The following VWC2L variants were observed in gnomAD, a reference collection of about 807,000 sequenced individuals.
VWC2L encodes von Willebrand factor C domain-containing protein 2-like.
In VWC2L, 10 loss-of-function variants were observed where a neutral mutation model predicts 21.6. The observed-to-expected ratio is 0.46, with a 90% confidence interval of 0.29 to 0.78. The LOEUF is 0.78. VWC2L is among the 30% of genes least tolerant of loss of function. VWC2L has a pLI of 0.10. For missense variants in VWC2L, 209 were observed against 277.1 expected (o/e 0.75, Z 1.74); for synonymous variants, 96 against 94.3 (o/e 1.02, Z -0.10).
intron 3 of VWC2L, among the ~76,000 whole-genome samples, chr2:214,442,387 C>G (rs934499118): frequency 6.6e-6 from 1 of 152,054 alleles, no homozygotes; most frequent in African/African-American, 2.4e-5. Flanking sequence ...TAGATGTGAA[C>G]AGGTAGTTCA....
intron 3 of VWC2L, among the ~76,000 whole-genome samples, chr2:214,512,317 A>C (rs1317731816): frequency 1.3e-5 from 2 of 152,162 alleles, no homozygotes; most frequent in African/African-American, 4.8e-5. Flanking sequence ...ACTATACCAA[A>C]TACTGCATGT....
At chr2:214,533,261 G>C (rs947932643) in intron 3 of VWC2L, among the ~76,000 whole-genome samples, 1 of 151,996 alleles carries the variant, frequency 6.6e-6, no homozygotes, top group Non-Finnish European at 1.5e-5. Flanking sequence ...ATATTTATAT[G>C]TATGCAGATG....
intron 2 of VWC2L, among the ~76,000 whole-genome samples, chr2:214,421,840 A>G (rs1294292249): frequency 6.8e-6 from 1 of 147,494 alleles, no homozygotes; most frequent in Admixed American, 6.7e-5. Context: ...AGAATTGGTT[A>G]ATCGGGTGAT....
At chr2:214,509,463 C>T (rs554033134) in intron 3 of VWC2L, among the ~76,000 whole-genome samples, 19 of 55,084 alleles carry the variant, frequency 3.4e-4, no homozygotes, top group Non-Finnish European at 9.3e-4. Flanking sequence ...AACTTTGCTA[C>T]TTAAAAAAAA....
intron 3 of VWC2L, among the ~76,000 whole-genome samples, chr2:214,539,292 A>C (rs1216606857): frequency 2.6e-5 from 4 of 152,190 alleles, no homozygotes; most frequent in African/African-American, 9.6e-5. Flanking sequence ...TGTTCGATTC[A>C]ATCACAGAAA....
chr2:214,517,769 G>C (rs1184940104), intron 3 of VWC2L, among the ~76,000 whole-genome samples: 1 of 152,160 alleles, frequency 6.6e-6, no homozygotes, highest in African/African-American at 2.4e-5. Context: ...TTGGTTAAAA[G>C]ATGCCAAAAA....
At chr2:214,553,250 T>C (rs1015469843) in intron 3 of VWC2L, among the ~76,000 whole-genome samples, 1 of 152,256 alleles carries the variant, frequency 6.6e-6, no homozygotes, top group Non-Finnish European at 1.5e-5. Flanking sequence ...CTCTGTAAGA[T>C]ATTTGAAGAG....
intron 3 of VWC2L, among the ~76,000 whole-genome samples, chr2:214,500,727 A>G (rs962147457): frequency 6.6e-6 from 1 of 152,220 alleles, no homozygotes; most frequent in African/African-American, 2.4e-5. Context: ...TCAGAGTTCT[A>G]TTAGTAAGAA....
chr2:214,421,053 C>T (rs76355034), intron 2 of VWC2L, among the ~76,000 whole-genome samples: 4 of 152,094 alleles, frequency 2.6e-5, no homozygotes, highest in East Asian at 1.9e-4. Flanking sequence ...GGAACCTTTA[C>T]GTAATTTTTA....
At chr2:214,475,865 C>G (rs1279472073) in intron 3 of VWC2L, among the ~76,000 whole-genome samples, 1 of 152,116 alleles carries the variant, frequency 6.6e-6, no homozygotes, top group African/African-American at 2.4e-5. Context: ...TGCAAAGGAA[C>G]TAAATGATCC....
At chr2:214,486,639 T>C (rs1188819228) in intron 3 of VWC2L, among the ~76,000 whole-genome samples, 3 of 152,176 alleles carry the variant, frequency 2.0e-5, no homozygotes, top group Non-Finnish European at 2.9e-5. Context: ...GATCTCTATA[T>C]ATCTAAGAAT....
intron 3 of VWC2L, among the ~76,000 whole-genome samples, chr2:214,506,247 G>T (rs1688966292): frequency 6.6e-6 from 1 of 152,084 alleles, no homozygotes; most frequent in Non-Finnish European, 1.5e-5. Context: ...GTATATAGAT[G>T]AAGGATTTAT....
chr2:214,536,975 TACACACACAC>T (rs66826019), intron 3 of VWC2L: 11 of 149,726 alleles, frequency 7.3e-5, no homozygotes, highest in African/African-American at 2.5e-4. Context: ...AATTATTTCC[TACACACACAC>T]ACACACACAC....
At position 214,577,829 on chromosome 2, in the gene VWC2L, T is replaced by G. The variant is rs1354428875; in HGVS notation, c.*2009T>G. 6.6e-6 allele frequency: 1 copy of G among 152,206 alleles called. No homozygotes were observed. The highest frequency in any genetic ancestry group is 6.6e-5 in the Admixed American group (1 of 15,266). The allele number at this position is 152,206 out of a possible 1,614,324, so 9.4% of individuals were successfully genotyped here. A position where few individuals can be genotyped will look rare whatever the true frequency, so the allele number is the denominator to read the frequency against. ...TGACGAGTCAGACCTGACATTCTTATGCACACTGTGCTTGCGTTATGATAC... is the reference window on the plus strand; with the variant it reads ...TGACGAGTCAGACCTGACATTCTTAGGCACACTGTGCTTGCGTTATGATAC... On this transcript the variant is annotated 3_prime_UTR_variant, in exon 4 of 4. Coordinates refer to ENST00000312504, the MANE Select transcript of VWC2L (RefSeq NM_001080500.4).
chr2:214,460,394 T>A (rs1703122706), intron 3 of VWC2L, among the ~76,000 whole-genome samples: 1 of 152,104 alleles, frequency 6.6e-6, no homozygotes, highest in African/African-American at 2.4e-5. Context: ...ACACCCAAAA[T>A]TTGACTATCT....
intron 2 of VWC2L, among the ~76,000 whole-genome samples, chr2:214,427,131 G>A (rs1466576532): frequency 6.6e-6 from 1 of 152,148 alleles, no homozygotes; most frequent in Non-Finnish European, 1.5e-5. Flanking sequence ...AATAATTCTT[G>A]CAGTCTTAGA....
At chr2:214,568,256 C>T (rs902869509) in intron 3 of VWC2L, among the ~76,000 whole-genome samples, 2 of 152,154 alleles carry the variant, frequency 1.3e-5, no homozygotes, top group Non-Finnish European at 2.9e-5. Flanking sequence ...TCATTTTTAT[C>T]TCCTCCATGA....
chr2:214,560,981 C>T (rs1169729747), intron 3 of VWC2L, among the ~76,000 whole-genome samples: 2 of 152,212 alleles, frequency 1.3e-5, no homozygotes, highest in Non-Finnish European at 2.9e-5. Flanking sequence ...TTTGGATAAG[C>T]TCCATATATT....
chr2:214,506,388 C>T (rs1273303515), intron 3 of VWC2L, among the ~76,000 whole-genome samples: 1 of 152,126 alleles, frequency 6.6e-6, no homozygotes. Flanking sequence ...CGAAGAAATA[C>T]AAATCAAATT....
Sources: gnomAD v4.1 joint callset for allele counts (sites outside exome capture counted in the v4.1 genomes callset) on GRCh38, gnomAD v4.1.1 for gene constraint, MANE v1.5 for transcripts, NCBI Gene and HGNC (gene_info 2026-07-23, HGNC 2026-07-21) for gene names.